Variants in MSTO1 observed in about 807,000 individuals in gnomAD.
MSTO1 encodes the protein misato mitochondrial distribution and morphology regulator 1.
MSTO1 carries 24 observed loss-of-function variants against 55.7 expected under a neutral mutation model. The observed-to-expected ratio is 0.43, with a 90% CI of 0.31 to 0.61. The LOEUF is 0.61. Among genes scored for constraint, MSTO1 ranks in the 20% least tolerant of loss-of-function variants. The probability of loss-of-function intolerance (pLI) is 0.09; values close to 1 mark genes in which losing one functional copy is unlikely to be tolerated. For synonymous variants in MSTO1, 162 were observed against 252.8 expected, an observed-to-expected ratio of 0.64 and a Z score of 3.41; for missense variants, 363 against 625.7, an observed-to-expected ratio of 0.58 and a Z score of 4.48.
At chr1:155,585,322 T>C in the MSTO1 span, among the ~76,000 whole-genome samples, 2 of 152,040 alleles carry the variant, frequency 1.3e-5, no homozygotes, top group Non-Finnish European at 2.9e-5. Context: ...AGGAGATCGA[T>C]ACCATCCTTG....
In MSTO1 at chr1:155,614,567, T is replaced by C; in HGVS notation, c.*294T>C. The stretch of plus-strand genomic sequence containing the variant: ...CTAGGATGGCAGAGCCCCTGGGTCC[T>C]ACTCCATCCTCCAGCCTTTGTCCTT... On this transcript the variant is annotated 3_prime_UTR_variant, in exon 14 of 14. Coordinates refer to ENST00000245564, the MANE Select transcript of MSTO1 (RefSeq NM_018116.4). 4.8e-6 allele frequency: 3 copies of C among 622,916 alleles called. No individual in the cohort carries two copies. The highest frequency in any genetic ancestry group is 2.9e-6 in the Non-Finnish European group (1 of 340,636). 38.6% of individuals were successfully genotyped at this position (622,916 alleles called of 1,614,324 possible). A position where few individuals can be genotyped will look rare whatever the true frequency, so the allele number is the denominator to read the frequency against.
At chr1:155,583,034 TA>T in the MSTO1 span, among the ~76,000 whole-genome samples, 436 of 139,522 alleles carry the variant, frequency 3.1e-3, 2 homozygotes, top group Admixed American at 4.2e-3. Flanking sequence ...CCTGGCAAAT[TA>T]AAAAAAAAAA....
chr1:155,600,738 G>A, the MSTO1 span, among the ~76,000 whole-genome samples: 2 of 152,264 alleles, frequency 1.3e-5, no homozygotes, highest in East Asian at 3.9e-4. Flanking sequence ...AGTATAGACA[G>A]GGTTTTGCCA....
the MSTO1 span, chr1:155,591,319 C>T: frequency 7.9e-5 from 103 of 1,307,764 alleles, no homozygotes; most frequent in Non-Finnish European, 9.9e-5. Flanking sequence ...TAGGCCAAGT[C>T]GACACTTAAT....
the MSTO1 span, among the ~76,000 whole-genome samples, chr1:155,583,034 TAAA>T: frequency 7.2e-6 from 1 of 139,770 alleles, no homozygotes. Flanking sequence ...CCTGGCAAAT[TAAA>T]AAAAAAAAAA....
At chr1:155,609,231 ATATATATATATATTTT>A (rs1284343970), upstream of MSTO1, among the ~76,000 whole-genome samples, 4 of 46,720 alleles carry the variant, frequency 8.6e-5, no homozygotes, top group Non-Finnish European at 1.9e-4. Context: ...ATATATATAT[ATATATATATATATTTT>A]TTTTTTTTTT....
chr1:155,600,034 T>C, the MSTO1 span, among the ~76,000 whole-genome samples: 1 of 152,210 alleles, frequency 6.6e-6, no homozygotes, highest in Non-Finnish European at 1.5e-5. Flanking sequence ...TTGTCTCAAC[T>C]GCAAGAGGCA....
chr1:155,585,227 A>T, the MSTO1 span, among the ~76,000 whole-genome samples: 1 of 152,188 alleles, frequency 6.6e-6, no homozygotes, highest in East Asian at 1.9e-4. Flanking sequence ...TGGTTGCAAG[A>T]AAAGTGAAAA....
At chr1:155,576,259 C>T in the MSTO1 span, among the ~76,000 whole-genome samples, 1 of 152,166 alleles carries the variant, frequency 6.6e-6, no homozygotes, top group Non-Finnish European at 1.5e-5. Context: ...TGATGGTATC[C>T]TTTGAAGTAC....
the MSTO1 span, among the ~76,000 whole-genome samples, chr1:155,592,684 G>A: frequency 6.6e-6 from 1 of 151,814 alleles, no homozygotes; most frequent in Admixed American, 6.6e-5. Context: ...CACCTGAGTA[G>A]CTGGGATTAC....
the MSTO1 span, among the ~76,000 whole-genome samples, chr1:155,578,801 C>T: frequency 2.7e-5 from 4 of 149,924 alleles, no homozygotes; most frequent in African/African-American, 9.8e-5. Context: ...TGAGCCACCG[C>T]GCCCGGCCCT....
chr1:155,612,694 C>A (rs1206142896), intron 9 of MSTO1, 124 bp downstream of exon 9: 26 of 1,378,584 alleles, frequency 1.9e-5, no homozygotes, highest in African/African-American at 2.9e-5. Flanking sequence ...TGTGATGTGG[C>A]CTCTCAGATC....
the MSTO1 span, among the ~76,000 whole-genome samples, chr1:155,579,091 T>C: frequency 6.6e-6 from 1 of 151,530 alleles, no homozygotes; most frequent in African/African-American, 2.4e-5. Context: ...GCGGATCACC[T>C]GAGGTTGGGA....
At chr1:155,602,735 G>T in the MSTO1 span, among the ~76,000 whole-genome samples, 1 of 152,052 alleles carries the variant, frequency 6.6e-6, no homozygotes, top group Non-Finnish European at 1.5e-5. Flanking sequence ...ATAGGCAACA[G>T]TAAGTTGTTC....
chr1:155,567,495 G>T, the MSTO1 span, among the ~76,000 whole-genome samples: 1 of 151,128 alleles, frequency 6.6e-6, no homozygotes, highest in South Asian at 2.1e-4. Context: ...TGTATTTTTA[G>T]TAGAGACGGG....
At chr1:155,605,741 A>T (rs2148974583), upstream of MSTO1, among the ~76,000 whole-genome samples, 1 of 152,238 alleles carries the variant, frequency 6.6e-6, no homozygotes, top group South Asian at 2.1e-4. Context: ...CAGCCATTGC[A>T]CTCCCTCCAG....
At chr1:155,599,169 C>T in the MSTO1 span, among the ~76,000 whole-genome samples, 9 of 151,622 alleles carry the variant, frequency 5.9e-5, 1 homozygote, top group South Asian at 4.2e-4. Context: ...CAAAACAAGA[C>T]GCTGTCTCAG....
the MSTO1 span, among the ~76,000 whole-genome samples, chr1:155,580,557 TCTGACTTCCTTCTGAAGTTACATTTGGC>T: frequency 3.9e-5 from 6 of 152,204 alleles, no homozygotes; most frequent in African/African-American, 1.2e-4. Context: ...ACAGGCTGTT[TCTGACTTCCTTCTGAAGTTACATTTGGC>T]CTGTCTAGGC....
At chr1:155,585,996 T>C in the MSTO1 span, among the ~76,000 whole-genome samples, 1 of 152,316 alleles carries the variant, frequency 6.6e-6, no homozygotes, top group South Asian at 2.1e-4. Context: ...TTGAGATCCA[T>C]ATTGATGAAT....
Sources: gnomAD v4.1 joint callset for allele counts (sites outside exome capture counted in the v4.1 genomes callset) on GRCh38, gnomAD v4.1.1 for gene constraint, MANE v1.5 for transcripts, NCBI Gene and HGNC (gene_info 2026-07-23, HGNC 2026-07-21) for gene names.